CRPPA: variants seen among roughly 807,000 people sequenced by gnomAD.
CRPPA encodes CDP-L-ribitol pyrophosphorylase A.
CRPPA carries 43 observed loss-of-function variants against 52.0 expected under a neutral mutation model. That is an observed-to-expected ratio of 0.83 (90% CI 0.65 to 1.07). CRPPA has a LOEUF of 1.07. CRPPA is among the 50% of genes least tolerant of loss of function. CRPPA has a pLI of 0.00. For synonymous variants in CRPPA, 250 were observed against 203.5 expected (o/e 1.23, Z -1.94); for missense variants, 629 against 551.7 (o/e 1.14, Z -1.40).
intron 5 of CRPPA, among the ~76,000 whole-genome samples, chr7:16,292,676 A>C (rs1784588708): frequency 6.6e-6 from 1 of 151,988 alleles, no homozygotes; most frequent in Non-Finnish European, 1.5e-5. Context: ...TTGCAAACTA[A>C]ATATAGCCAC....
rs543644677 is a variant in CRPPA at position 16,394,119 on chromosome 7, T to C, written c.534+11942A>G. Among the ~76,000 whole-genome samples the C allele has an allele frequency of 2.6e-5, 4 of 152,216 alleles. No individual in the cohort carries two copies. The South Asian group carries it at 8.3e-4, about 32-fold the overall frequency. ...AAGTTTGGAAAATAATTTGGCATCATCTAGTAAAGCTGATAACCTACACAT... is the reference window on the plus strand; with the variant it reads ...AAGTTTGGAAAATAATTTGGCATCACCTAGTAAAGCTGATAACCTACACAT... On this transcript the variant is annotated intron_variant, in intron 2 of 9. Coordinates refer to ENST00000407010, the MANE Select transcript of CRPPA (RefSeq NM_001101426.4).
intron 9 of CRPPA, among the ~76,000 whole-genome samples, chr7:16,119,638 A>G (rs942515776): frequency 1.1e-4 from 16 of 152,312 alleles, no homozygotes; most frequent in Middle Eastern, 6.8e-3. Context: ...CGTAATTTAA[A>G]AGGATATGCC....
intron 9 of CRPPA, among the ~76,000 whole-genome samples, chr7:16,135,579 T>A (rs770924365): frequency 6.6e-6 from 1 of 152,180 alleles, no homozygotes. Flanking sequence ...GAGGGAAGGT[T>A]ATTCTTTTCC....
At chr7:16,418,849 G>A (rs9655136) in intron 1 of CRPPA, among the ~76,000 whole-genome samples, 65,242 of 151,972 alleles carry the variant, frequency 0.43, 15,616 homozygotes, top group African/African-American at 0.64. Flanking sequence ...TTTAGTGTCC[G>A]CCTATCTTAG....
chr7:16,134,076 C>T lies in CRPPA; in HGVS notation c.1252-42277G>A, dbSNP rs1222379246. On this transcript the variant is annotated intron_variant, in intron 9 of 9. Transcript: ENST00000407010. Reference sequence around the variant, plus strand: ...CCTCCCGAGCAGCTGGGACTACAGGCGCCCGCCACCACGCCCGGCTAATTT... The same window carrying T: ...CCTCCCGAGCAGCTGGGACTACAGGTGCCCGCCACCACGCCCGGCTAATTT... 3.2e-5 allele frequency among the ~76,000 whole-genome samples: 4 copies of T among 123,868 alleles called. 1 individual carries two copies. Among genetic ancestry groups the T allele is most frequent in the Admixed American group, 8.1e-5 (1 of 12,354 alleles). The allele number at this position is 123,868 out of a possible 152,430, so 81.3% of individuals were successfully genotyped here.
At chr7:16,217,264 G>A (rs1284811290) in intron 8 of CRPPA, among the ~76,000 whole-genome samples, 1 of 149,624 alleles carries the variant, frequency 6.7e-6, no homozygotes, top group Non-Finnish European at 1.5e-5. Context: ...CAAACAGAAA[G>A]GACATCCACA....
At chr7:16,345,234 C>T (rs1019387684) in intron 3 of CRPPA, among the ~76,000 whole-genome samples, 5 of 152,076 alleles carry the variant, frequency 3.3e-5, no homozygotes, top group Non-Finnish European at 7.4e-5. Context: ...GACTGTCAAC[C>T]AAGTATTCTA....
rs567648916 is a variant in CRPPA at position 16,248,711 on chromosome 7, T to C, written c.1119+9679A>G. Among the ~76,000 whole-genome samples the C allele has an allele frequency of 2.0e-5, 3 of 152,148 alleles. No homozygotes were observed. In the East Asian group the frequency reaches 5.8e-4, roughly 30 times the overall value. On this transcript the variant is annotated intron_variant, in intron 8 of 9. Transcript: ENST00000407010. The stretch of plus-strand genomic sequence containing the variant: ...ACCTAGTTCATCTCATTGGGACTGG[T>C]TGGACAGTGGGTGCAGCCCACAGAG...
chr7:16,243,936 C>G (rs1168909095), intron 8 of CRPPA, among the ~76,000 whole-genome samples: 1 of 152,158 alleles, frequency 6.6e-6, no homozygotes, highest in Non-Finnish European at 1.5e-5. Context: ...TATACTCCAG[C>G]TTAGACAATA....
At chr7:16,314,946 G>C (rs990244860) in intron 3 of CRPPA, among the ~76,000 whole-genome samples, 3 of 152,076 alleles carry the variant, frequency 2.0e-5, no homozygotes, top group African/African-American at 7.2e-5. Flanking sequence ...GAAATTTCCA[G>C]TCATTGTTAC....
intron 5 of CRPPA, among the ~76,000 whole-genome samples, chr7:16,290,723 A>T (rs1363744333): frequency 6.6e-6 from 1 of 152,106 alleles, no homozygotes; most frequent in Non-Finnish European, 1.5e-5. Flanking sequence ...GCTTCAGGAC[A>T]TTGGTGTCAA....
intron 2 of CRPPA, among the ~76,000 whole-genome samples, chr7:16,379,925 T>C (rs1024703246): frequency 6.6e-6 from 1 of 152,192 alleles, no homozygotes; most frequent in Admixed American, 6.5e-5. Context: ...TACAATCATG[T>C]CATCTGCAAA....
chr7:16,163,533 T>C (rs1780967340), intron 9 of CRPPA, among the ~76,000 whole-genome samples: 1 of 152,196 alleles, frequency 6.6e-6, no homozygotes. Context: ...TTAATATTGT[T>C]ATGTGTGAAT....
chr7:16,145,776 G>A (rs2128377300), intron 9 of CRPPA, among the ~76,000 whole-genome samples: 1 of 151,144 alleles, frequency 6.6e-6, no homozygotes, highest in Non-Finnish European at 1.5e-5. Flanking sequence ...TTACTCACAG[G>A]AAAAAAAGAA....
chr7:16,274,821 C>A (rs184252096), intron 6 of CRPPA, among the ~76,000 whole-genome samples: 1 of 151,880 alleles, frequency 6.6e-6, no homozygotes, highest in Non-Finnish European at 1.5e-5. Context: ...GGAGAGCACA[C>A]GAACAATAAA....
At position 16,090,325 on chromosome 7, in the gene CRPPA, G is replaced by A. The variant is rs939798080; in HGVS notation, c.*1370C>T. The A allele has an allele frequency of 4.6e-5, 7 of 152,080 alleles. No homozygotes were observed. Among genetic ancestry groups the A allele is most frequent in the African/African-American group, 1.7e-4 (7 of 41,398 alleles). 9.4% of individuals were successfully genotyped at this position (152,080 alleles called of 1,614,324 possible). Reference sequence around the variant, plus strand: ...ATAAAAATTCCACAAGGTAGATATTGTATAGTGTATCTTTAACTGAAAACA... The same window carrying A: ...ATAAAAATTCCACAAGGTAGATATTATATAGTGTATCTTTAACTGAAAACA... On this transcript the variant is annotated 3_prime_UTR_variant, in exon 10 of 10. Transcript: ENST00000407010.
intron 9 of CRPPA, among the ~76,000 whole-genome samples, chr7:16,149,299 A>G (rs1160412747): frequency 2.0e-5 from 3 of 152,314 alleles, no homozygotes; most frequent in South Asian, 2.1e-4. Flanking sequence ...TCAAGTTCAC[A>G]TGTAACAGAT....
chr7:16,266,229 T>G (rs1214875725), intron 6 of CRPPA: 1 of 152,208 alleles, frequency 6.6e-6, no homozygotes, highest in Non-Finnish European at 1.5e-5. Context: ...ATCTTCAGAT[T>G]TGATATCAAA....
chr7:16,273,519 C>G (rs1221034349), intron 6 of CRPPA, among the ~76,000 whole-genome samples: 1 of 151,988 alleles, frequency 6.6e-6, no homozygotes, highest in Admixed American at 6.6e-5. Context: ...TAGCCAAACT[C>G]CAGGGGAAGA....
Sources: allele counts gnomAD v4.1 joint callset (sites outside exome capture counted in the v4.1 genomes callset), GRCh38; gene constraint gnomAD v4.1.1; transcripts MANE v1.5; gene names NCBI Gene and HGNC (gene_info 2026-07-23, HGNC 2026-07-21).